The following IL18R1 variants were observed in gnomAD, a reference collection of about 807,000 sequenced individuals.
IL18R1 encodes the protein interleukin 18 receptor 1, also known as interleukin-18 receptor 1.
In IL18R1, 40 loss-of-function variants were observed where a neutral mutation model predicts 48.5. The observed-to-expected ratio is 0.82, with a 90% CI of 0.64 to 1.07. IL18R1 has a LOEUF of 1.07. Ranked by LOEUF, IL18R1 falls within the 50% of genes least tolerant of loss-of-function variation. The probability of loss-of-function intolerance (pLI) is 0.00; values close to 1 mark genes in which losing one functional copy is unlikely to be tolerated. For synonymous variants in IL18R1, 232 were observed against 225.9 expected, an observed-to-expected ratio of 1.03 and a Z score of -0.24; for missense variants, 596 against 633.7, an observed-to-expected ratio of 0.94 and a Z score of 0.64.
At chr2:102,390,791 G>A (rs867303236) in intron 9 of IL18R1, among the ~76,000 whole-genome samples, 38 of 152,134 alleles carry the variant, frequency 2.5e-4, no homozygotes, top group African/African-American at 8.7e-4. Flanking sequence ...AAATTAGCCG[G>A]GCGTGGTGGT....
intron 3 of IL18R1, 75 bp downstream of exon 3, chr2:102,368,143 A>T (rs1200106684): frequency 2.7e-5 from 41 of 1,519,140 alleles, no homozygotes; most frequent in Non-Finnish European, 2.3e-5. Context: ...ATATGCAGTA[A>T]TCTGAAAGGT....
chr2:102,394,956 G>A (rs1480590579), intron 10 of IL18R1, among the ~76,000 whole-genome samples: 1 of 152,166 alleles, frequency 6.6e-6, no homozygotes, highest in East Asian at 1.9e-4. Flanking sequence ...GAGAATATCT[G>A]TACCACAGCA....
chr2:102,390,777 CAA>C (rs992254325), intron 9 of IL18R1, among the ~76,000 whole-genome samples: 1 of 151,692 alleles, frequency 6.6e-6, no homozygotes, highest in African/African-American at 2.4e-5. Flanking sequence ...ACTAAAAATA[CAA>C]AAAATTAGCC....
intron 2 of IL18R1, among the ~76,000 whole-genome samples, chr2:102,364,144 G>A (rs922538137): frequency 4.6e-5 from 7 of 152,100 alleles, no homozygotes; most frequent in African/African-American, 7.2e-5. Flanking sequence ...TTCTTCAAAT[G>A]GTAATACTTC....
chr2:102,388,626 G>T (rs1391252407), intron 8 of IL18R1, among the ~76,000 whole-genome samples: 3 of 152,202 alleles, frequency 2.0e-5, no homozygotes. Context: ...CTTCTGGCCA[G>T]TCAATTCTCC....
At chr2:102,359,565 G>A (rs990158055) in intron 1 of IL18R1, among the ~76,000 whole-genome samples, 17 of 152,178 alleles carry the variant, frequency 1.1e-4, no homozygotes, top group Admixed American at 2.0e-4. Flanking sequence ...ATTAATATTT[G>A]CCTCATTTAT....
At chr2:102,368,984 C>A (rs1485493859) in intron 3 of IL18R1, among the ~76,000 whole-genome samples, 1 of 152,110 alleles carries the variant, frequency 6.6e-6, no homozygotes, top group Non-Finnish European at 1.5e-5. Flanking sequence ...CAAATCAGGT[C>A]ATTTTTGTTT....
At chr2:102,356,739 T>C (rs1450639496) in intron 1 of IL18R1, among the ~76,000 whole-genome samples, 1 of 152,150 alleles carries the variant, frequency 6.6e-6, no homozygotes, top group Non-Finnish European at 1.5e-5. Context: ...AAGGGCCACA[T>C]GAAATAGGAA....
intron 7 of IL18R1, among the ~76,000 whole-genome samples, chr2:102,386,003 C>T (rs140917632): frequency 8.5e-5 from 13 of 152,314 alleles, no homozygotes; most frequent in African/African-American, 3.1e-4. Flanking sequence ...CAATGGCCTC[C>T]TGTGTTTTAC....
chr2:102,362,547 TG>T, intron 1 of IL18R1, 85 bp from the exon 2 acceptor site: 2 of 769,662 alleles, frequency 2.6e-6, no homozygotes, highest in Admixed American at 5.6e-5. Context: ...TAAAAATCTG[TG>T]TGCCAGAAGA....
intron 5 of IL18R1, among the ~76,000 whole-genome samples, chr2:102,377,785 T>C (rs1396781519): frequency 6.6e-6 from 1 of 152,230 alleles, no homozygotes; most frequent in Admixed American, 6.5e-5. Context: ...GACAGCATTG[T>C]GCCCACCTAG....
chr2:102,360,463 C>T (rs997156452), intron 1 of IL18R1, among the ~76,000 whole-genome samples: 9 of 152,116 alleles, frequency 5.9e-5, no homozygotes, highest in African/African-American at 2.2e-4. Flanking sequence ...CGGGGTTTCA[C>T]CATGTTAGTC....
At chr2:102,372,315 CAGT>C (rs776296491) in intron 4 of IL18R1, among the ~76,000 whole-genome samples, 197 bp downstream of exon 4, 3 of 152,186 alleles carry the variant, frequency 2.0e-5, no homozygotes, top group Non-Finnish European at 2.9e-5. Context: ...ATATGTTCCA[CAGT>C]AGTTTCCCTG....
chr2:102,365,577 G>A (rs1349225821), intron 2 of IL18R1, among the ~76,000 whole-genome samples: 2 of 152,136 alleles, frequency 1.3e-5, no homozygotes, highest in East Asian at 1.9e-4. Flanking sequence ...CTGGAGGATG[G>A]TGGCTTTCTT....
At chr2:102,380,900 A>G (rs1298386058) in intron 5 of IL18R1, among the ~76,000 whole-genome samples, 1 of 152,176 alleles carries the variant, frequency 6.6e-6, no homozygotes, top group Non-Finnish European at 1.5e-5. Flanking sequence ...CAATAACTTG[A>G]CTATGCACCA....
chr2:102,372,480 A>G lies in IL18R1; in HGVS notation c.468+362A>G, dbSNP rs1573199804. Among the ~76,000 whole-genome samples the G allele has an allele frequency of 2.0e-5, 3 of 152,190 alleles. No individual in the cohort carries two copies. The East Asian group carries it at 5.8e-4, about 29-fold the overall frequency. ...CTTAACATGTAAAACTCAATTGTAT[A>G]TGTTTTTCTGAATATATTAGTTCAT... On this transcript the variant is annotated intron_variant, in intron 4 of 10. Transcript: ENST00000233957.
At position 102,377,374 on chromosome 2, in the gene IL18R1, G is replaced by A. The variant is rs745654590; in HGVS notation, c.625+1311G>A. Among the ~76,000 whole-genome samples, 18 of 152,246 alleles carry A rather than the reference G, an allele frequency of 1.2e-4. 1 individual carries two copies. The highest frequency in any genetic ancestry group is 8.3e-4 in the South Asian group (4 of 4,824). On this transcript the variant is annotated intron_variant, in intron 5 of 10. Coordinates refer to ENST00000233957, the MANE Select transcript of IL18R1 (RefSeq NM_003855.5). The stretch of plus-strand genomic sequence containing the variant: ...GTTGCCTAGGCTGCAGTGCAGTGGC[G>A]CAGCCTTGGGGCTCACTGCAAGCTC...
intron 2 of IL18R1, among the ~76,000 whole-genome samples, chr2:102,367,284 C>T (rs911781708): frequency 2.0e-5 from 3 of 152,154 alleles, no homozygotes; most frequent in African/African-American, 7.2e-5. Context: ...TGTACACACA[C>T]TGTAAGTTAC....
At chr2:102,381,900 C>G (rs1040084787) in intron 6 of IL18R1, among the ~76,000 whole-genome samples, 1 of 152,108 alleles carries the variant, frequency 6.6e-6, no homozygotes, top group Non-Finnish European at 1.5e-5. Context: ...GACAGTGGAA[C>G]TGCCTGTGGT....
Sources: allele counts gnomAD v4.1 joint callset (sites outside exome capture counted in the v4.1 genomes callset), GRCh38; gene constraint gnomAD v4.1.1; transcripts MANE v1.5; gene names NCBI Gene and HGNC (gene_info 2026-07-23, HGNC 2026-07-21).